KBTBD12: variants seen among roughly 807,000 people sequenced by gnomAD.
KBTBD12 encodes kelch repeat and BTB domain-containing protein 12.
Under a neutral mutation model 58.7 loss-of-function variants are expected in KBTBD12, and 53 were observed. The ratio of observed to expected loss-of-function variants is 0.90; its 90% CI spans 0.72 to 1.14. KBTBD12 has a LOEUF of 1.14. Ranked by LOEUF, KBTBD12 falls within the 50% of genes most tolerant of loss-of-function variation. The pLI, the probability that KBTBD12 is intolerant of heterozygous loss-of-function variation, is 0.00. For missense variants in KBTBD12, 704 were observed against 751.3 expected (o/e 0.94, Z 0.74); for synonymous variants, 236 against 259.8 (o/e 0.91, Z 0.88).
rs567883529 is a variant in KBTBD12, at chr3:127,963,517, G to C, written c.1690+131G>C. ...CAAAAGCATGGCTTTTAGAGTCAGG[G>C]ACCCTGTGCAAAACCTCTTGGCCTG... is the stretch of plus-strand genomic sequence containing the variant. On this transcript the variant is annotated intron_variant, in intron 5 of 5. Transcript: ENST00000405109. 9 of 870,436 alleles carry C rather than the reference G, an allele frequency of 1.0e-5. No individual in the cohort carries two copies. In the East Asian group the frequency reaches 2.2e-4, roughly 21 times the overall value. 53.9% of individuals were successfully genotyped at this position (870,436 alleles called of 1,614,324 possible).
chr3:127,926,367 C>A (rs1453335211), intron 2 of KBTBD12, among the ~76,000 whole-genome samples: 3 of 152,318 alleles, frequency 2.0e-5, no homozygotes, highest in Non-Finnish European at 2.9e-5. Flanking sequence ...GTTGGCTTTA[C>A]TTTGGTAGCC....
intron 2 of KBTBD12, among the ~76,000 whole-genome samples, chr3:127,925,250 G>A (rs1939540879): frequency 6.6e-6 from 1 of 152,110 alleles, no homozygotes; most frequent in Admixed American, 6.5e-5. Context: ...GCATGTCCCT[G>A]AGCCACAGGA....
chr3:127,975,565 C>A (rs940258323), intron 5 of KBTBD12, among the ~76,000 whole-genome samples: 1 of 152,218 alleles, frequency 6.6e-6, no homozygotes, highest in Non-Finnish European at 1.5e-5. Context: ...TCCCACCTTG[C>A]ACCAGCTTCT....
intron 5 of KBTBD12, among the ~76,000 whole-genome samples, chr3:127,972,723 A>C (rs1018490136): frequency 1.9e-4 from 29 of 152,238 alleles, no homozygotes; most frequent in African/African-American, 7.0e-4. Flanking sequence ...CAAAGACTTA[A>C]GGGAGTCATG....
At chr3:127,934,339 C>G (rs1480146969) in intron 4 of KBTBD12, among the ~76,000 whole-genome samples, 2 of 152,028 alleles carry the variant, frequency 1.3e-5, no homozygotes, top group Admixed American at 6.6e-5. Context: ...CTCAGGAGCA[C>G]TTTTGATATG....
rs567351974 is a variant in KBTBD12 at position 127,930,539 on chromosome 3, A to T, written c.1492+256A>T. ...TGGAATGTAAAAACAATAATGATAC[A>T]TCCTTATATATACTACCAAGTAATA... On this transcript the variant is annotated intron_variant, in intron 4 of 5. Coordinates refer to ENST00000405109, the MANE Select transcript of KBTBD12 (RefSeq NM_207335.4). 5.4e-4 allele frequency among the ~76,000 whole-genome samples: 83 copies of T among 152,326 alleles called. 1 individual carries two copies. Among genetic ancestry groups the T allele is most frequent in the Admixed American group, 2.4e-3 (36 of 15,296 alleles).
intron 1 of KBTBD12, among the ~76,000 whole-genome samples, chr3:127,918,808 A>G (rs374384993): frequency 3.2e-4 from 49 of 152,178 alleles, no homozygotes; most frequent in Non-Finnish European, 2.6e-4. Flanking sequence ...ATTGAAAAAT[A>G]TAAGGAAGGA....
intron 5 of KBTBD12, among the ~76,000 whole-genome samples, chr3:127,979,289 A>G (rs1051791436): frequency 5.3e-5 from 8 of 152,256 alleles, no homozygotes; most frequent in African/African-American, 1.9e-4. Flanking sequence ...AAGATGGCAC[A>G]GATTTTGAAA....
chr3:127,923,317 T>C lies in KBTBD12; in HGVS notation c.256T>C (p.Leu86=), dbSNP rs1379594293. The C allele has an allele frequency of 1.2e-6, 2 of 1,613,854 alleles. No individual in the cohort carries two copies. The highest frequency in any genetic ancestry group is 1.7e-6 in the Non-Finnish European group (2 of 1,179,788). The part of the protein sequence containing the change: ...DITAESVSVL[L]NYMYNAALEI... ...CACAGCAGAAAGTGTGTCGGTGTTA[T>C]TAAATTACATGTACAATGCAGCTTT... The change falls in exon 2 of 6, where the codon TTA becomes CTA. Residue 86 remains leucine, a synonymous_variant. Coordinates refer to ENST00000405109, the MANE Select transcript of KBTBD12 (RefSeq NM_207335.4).
At chr3:127,974,928 G>A (rs1294530677) in intron 5 of KBTBD12, among the ~76,000 whole-genome samples, 3 of 152,090 alleles carry the variant, frequency 2.0e-5, no homozygotes, top group African/African-American at 4.8e-5. Context: ...ATCCAAGATC[G>A]CACCACTGCA....
intron 1 of KBTBD12, among the ~76,000 whole-genome samples, chr3:127,919,564 G>A (rs1398705996): frequency 6.6e-6 from 1 of 152,194 alleles, no homozygotes; most frequent in Non-Finnish European, 1.5e-5. Flanking sequence ...TCCCACTGAA[G>A]CAGGATTAGG....
chr3:127,963,227 C>A lies in KBTBD12; in HGVS notation c.1531C>A (p.Arg511=). 6.2e-7 allele frequency: 1 copy of A among 1,611,924 alleles called. No individual in the cohort carries two copies. The highest frequency in any genetic ancestry group is 8.5e-7 in the Non-Finnish European group (1 of 1,179,128). ...GCVGQDKGQV[R]KCLDVVEIYN... ...TGTAGGTCAAGACAAGGGCCAGGTT[C>A]GAAAATGCCTTGACGTGGTGGAGAT... The change falls in exon 5 of 6, where the codon CGA becomes AGA. Residue 511 remains arginine, a synonymous_variant. Transcript: ENST00000405109.
At chr3:127,918,817 G>T (rs1939325386) in intron 1 of KBTBD12, among the ~76,000 whole-genome samples, 1 of 152,146 alleles carries the variant, frequency 6.6e-6, no homozygotes, top group Admixed American at 6.5e-5. Flanking sequence ...TATAAGGAAG[G>T]AAAGTCAGGA....
rs764165226 is a variant in KBTBD12 at position 127,923,997 on chromosome 3, A to G, written c.936A>G (p.Ser312=). ...TATCACGGAAAACCTATTTCATCTC[A>G]TCTCCCAAGTACGGAGAGGGTTTAG... ...DPVSRKTYFI[S]SPKYGEGLGT... Residue 312 remains serine (S), a synonymous_variant, in exon 2 of 6, where the codon TCA becomes TCG. Coordinates refer to ENST00000405109, the MANE Select transcript of KBTBD12 (RefSeq NM_207335.4). The G allele has an allele frequency of 1.9e-6, 3 of 1,613,344 alleles. No homozygotes were observed. The highest frequency in any genetic ancestry group is 2.5e-6 in the Non-Finnish European group (3 of 1,179,350).
At chr3:127,960,508 T>C (rs920069008) in intron 4 of KBTBD12, among the ~76,000 whole-genome samples, 1 of 152,218 alleles carries the variant, frequency 6.6e-6, no homozygotes, top group Admixed American at 6.5e-5. Context: ...AGGTATCTCA[T>C]TGAAATTCTA....
intron 4 of KBTBD12, among the ~76,000 whole-genome samples, chr3:127,938,240 CAG>C (rs1370854238): frequency 1.3e-5 from 2 of 151,810 alleles, no homozygotes; most frequent in African/African-American, 4.8e-5. Context: ...TATTTTTAAA[CAG>C]TGATAAAATA....
intron 5 of KBTBD12, among the ~76,000 whole-genome samples, chr3:127,967,379 T>C: frequency 6.6e-6 from 1 of 152,178 alleles, no homozygotes; most frequent in East Asian, 1.9e-4. Context: ...CATCTGTGAA[T>C]AGCATTTATA....
intron 5 of KBTBD12, among the ~76,000 whole-genome samples, chr3:127,968,288 G>T (rs921373337): frequency 1.3e-5 from 2 of 152,150 alleles, no homozygotes; most frequent in African/African-American, 4.8e-5. Context: ...AGGAGGCTTT[G>T]TTCTCCACCT....
intron 4 of KBTBD12, among the ~76,000 whole-genome samples, chr3:127,961,815 AG>A (rs1424584872): frequency 6.6e-6 from 1 of 152,236 alleles, no homozygotes; most frequent in Non-Finnish European, 1.5e-5. Flanking sequence ...ATAGGAAAGC[AG>A]GTGATGGTGA....
Sources: gnomAD v4.1 joint callset for allele counts (sites outside exome capture counted in the v4.1 genomes callset) on GRCh38, gnomAD v4.1.1 for gene constraint, MANE v1.5 for transcripts, NCBI Gene and HGNC (gene_info 2026-07-23, HGNC 2026-07-21) for gene names.